The following RRM1 variants were observed in gnomAD, a reference collection of about 807,000 sequenced individuals.
RRM1 encodes the protein ribonucleotide reductase catalytic subunit M1, also known as ribonucleoside-diphosphate reductase large subunit.
A neutral mutation model predicts 101.5 loss-of-function variants in RRM1; 19 were observed. The observed-to-expected ratio is 0.19, with a 90% CI of 0.13 to 0.27. The LOEUF (loss-of-function observed/expected upper bound fraction) is 0.27. Ranked by LOEUF, RRM1 falls within the 10% of genes least tolerant of loss-of-function variation. RRM1 has a pLI of 1.00. For synonymous variants in RRM1, 298 were observed against 323.4 expected (o/e 0.92, Z 0.84); for missense variants, 500 against 962.9 (o/e 0.52, Z 6.36).
At chr11:4,105,264 T>A (rs2094556726) in intron 2 of RRM1, among the ~76,000 whole-genome samples, 1 of 152,072 alleles carries the variant, frequency 6.6e-6, no homozygotes, top group African/African-American at 2.4e-5. Flanking sequence ...TCTCATTGTG[T>A]CGCCCAGGCT....
chr11:4,133,703 C>A, intron 17 of RRM1, 45 bp downstream of exon 17: 1 of 1,078,962 alleles, frequency 9.3e-7, no homozygotes, highest in Non-Finnish European at 1.4e-6. Flanking sequence ...CTGAGTTGGA[C>A]ATTGTGGTAC....
intron 18 of RRM1, among the ~76,000 whole-genome samples, chr11:4,137,456 C>T (rs9665830): frequency 0.021 from 2,846 of 137,610 alleles, 197 homozygotes; most frequent in African/African-American, 0.078. Context: ...GCTCACACCC[C>T]CACCTCCCTC....
chr11:4,124,207 G>A (rs2094586127), intron 12 of RRM1, among the ~76,000 whole-genome samples: 1 of 152,160 alleles, frequency 6.6e-6, no homozygotes, highest in Non-Finnish European at 1.5e-5. Flanking sequence ...GCATCAAAAT[G>A]TTAAGATGAA....
chr11:4,101,133 C>G (rs906044110), intron 1 of RRM1, among the ~76,000 whole-genome samples: 1 of 151,842 alleles, frequency 6.6e-6, no homozygotes, highest in Admixed American at 6.6e-5. Context: ...TGGGGCATTG[C>G]AATTTAAAAT....
At chr11:4,127,648 C>T (rs2094592047) in intron 14 of RRM1, among the ~76,000 whole-genome samples, 1 of 152,168 alleles carries the variant, frequency 6.6e-6, no homozygotes, top group Admixed American at 6.5e-5. Context: ...TTTTGGGCTT[C>T]TGGTCTTCAG....
At chr11:4,123,129 C>A in intron 11 of RRM1, 54 bp from the exon 12 acceptor site, 1 of 1,369,812 alleles carries the variant, frequency 7.3e-7, no homozygotes, top group Non-Finnish European at 1.0e-6. Flanking sequence ...AAGTTGTCTA[C>A]AATAAAGTTT....
rs189163 is a variant in RRM1, at chr11:4,101,559, A to T, written c.20-434A>T. Reference sequence around the variant, plus strand: ...GAACTCCTGACCTCCAGTGATCCACACCCCCCCCCGCTCCCTTGGCCTCCC... The same window carrying T: ...GAACTCCTGACCTCCAGTGATCCACTCCCCCCCCCGCTCCCTTGGCCTCCC... On this transcript the variant is annotated intron_variant, in intron 1 of 18. Coordinates refer to ENST00000300738, the MANE Select transcript of RRM1 (RefSeq NM_001033.5). Among the ~76,000 whole-genome samples, 150 of 105,914 alleles carry T rather than the reference A, an allele frequency of 1.4e-3. 18 individuals are homozygous for T. Among genetic ancestry groups the T allele is most frequent in the South Asian group, 0.012 (36 of 2,940 alleles). 69.5% of individuals were successfully genotyped at this position (105,914 alleles called of 152,430 possible).
In RRM1 at chr11:4,095,162, C is replaced by A. The variant is rs546217753; in HGVS notation, c.19+131C>A. On this transcript the variant is annotated intron_variant, in intron 1 of 18. Transcript: ENST00000300738. ...TCCCGCATTTCCCGCCGCGGCCTTCCGCCCTGTCAGCCCGCTCGGCCTTCT... is the reference window on the plus strand; with the variant it reads ...TCCCGCATTTCCCGCCGCGGCCTTCAGCCCTGTCAGCCCGCTCGGCCTTCT... 9 of 1,153,482 alleles carry A rather than the reference C, an allele frequency of 7.8e-6. No individual in the cohort carries two copies. The African/African-American group carries it at 1.2e-4, about 16-fold the overall frequency. 71.5% of individuals were successfully genotyped at this position (1,153,482 alleles called of 1,614,324 possible). A position where few individuals can be genotyped will look rare whatever the true frequency, so the allele number is the denominator to read the frequency against.
chr11:4,105,844 T>C (rs2094557611), intron 2 of RRM1, among the ~76,000 whole-genome samples: 1 of 151,742 alleles, frequency 6.6e-6, no homozygotes, highest in African/African-American at 2.4e-5. Context: ...TGATTATGGG[T>C]GTGAGCCACA....
chr11:4,107,304 T>C, intron 3 of RRM1, 131 bp from the exon 4 acceptor site: 2 of 635,812 alleles, frequency 3.1e-6, no homozygotes, highest in Non-Finnish European at 5.6e-6. Flanking sequence ...TTGAGCACTT[T>C]ATATGCTAGG....
intron 1 of RRM1, among the ~76,000 whole-genome samples, chr11:4,095,903 T>C (rs984937513): frequency 6.6e-6 from 1 of 152,108 alleles, no homozygotes; most frequent in South Asian, 2.1e-4. Context: ...TATGAACAAG[T>C]TTTGAGTTGA....
At chr11:4,131,014 A>T (rs1384781232) in intron 15 of RRM1, among the ~76,000 whole-genome samples, 3 of 152,162 alleles carry the variant, frequency 2.0e-5, no homozygotes, top group Non-Finnish European at 4.4e-5. Flanking sequence ...AAAGTAGAGA[A>T]CCCAGTTGTA....
rs532142295 is a variant in RRM1, at chr11:4,106,986, C to T, written c.287-449C>T. On this transcript the variant is annotated intron_variant, in intron 3 of 18. Transcript: ENST00000300738. ...TCGGCTCACTGCAACCTCCGCCTCC[C>T]GGGTTCAAGTGATTCTCCTGCCTCA... Among the ~76,000 whole-genome samples the T allele has an allele frequency of 1.7e-4, 26 of 152,064 alleles. No individual in the cohort carries two copies. The South Asian group carries it at 2.1e-3, about 12-fold the overall frequency.
intron 14 of RRM1, among the ~76,000 whole-genome samples, chr11:4,128,615 G>A (rs140048572): frequency 0.015 from 2,314 of 152,194 alleles, 31 homozygotes; most frequent in Non-Finnish European, 0.026. Context: ...CTTTCCCACT[G>A]CCTTTATTAT....
At chr11:4,137,141 C>G (rs1436856421) in intron 18 of RRM1, 5 of 249,070 alleles carry the variant, frequency 2.0e-5, no homozygotes, top group Non-Finnish European at 3.9e-5. Flanking sequence ...TAGTACAGAA[C>G]AAAATGAAAA....
At chr11:4,107,840 G>A (rs541792182) in intron 4 of RRM1, among the ~76,000 whole-genome samples, 130 of 151,928 alleles carry the variant, frequency 8.6e-4, no homozygotes, top group African/African-American at 3.0e-3. Context: ...TATCTTGTTT[G>A]TTCTATATCA....
Position 4,094,802 on chromosome 11 carries a change from T to C in RRM1, c.-211T>C. On this transcript the variant is annotated 5_prime_UTR_variant, in exon 1 of 19. Transcript: ENST00000300738. ...CGTCATTCGAACCCCGTCGCGCCCCTTTGTGCGTCACGGGTGGCGGGCGCG... is the reference window on the plus strand; with the variant it reads ...CGTCATTCGAACCCCGTCGCGCCCCCTTGTGCGTCACGGGTGGCGGGCGCG... The C allele has an allele frequency of 1.7e-6, 1 of 603,318 alleles. No homozygotes were observed. The highest frequency in any genetic ancestry group is 3.0e-6 in the Non-Finnish European group (1 of 335,054). 37.4% of individuals were successfully genotyped at this position (603,318 alleles called of 1,614,324 possible).
chr11:4,106,070 C>T lies in RRM1; in HGVS notation c.133C>T (p.Gln45Ter). The T allele has an allele frequency of 6.2e-7, 1 of 1,612,130 alleles. No individual in the cohort carries two copies. Among genetic ancestry groups the T allele is most frequent in the Non-Finnish European group, 8.5e-7 (1 of 1,179,532 alleles). The change falls in exon 3 of 19, where the codon CAA (glutamine) becomes TAA (stop). Residue 45 changes from glutamine to a stop codon, truncating the protein, a stop_gained. Coordinates refer to ENST00000300738, the MANE Select transcript of RRM1 (RefSeq NM_001033.5). LOFTEE classifies it high-confidence loss of function. ...GGCTCAGATCACCATGAAAGTAATC[C>T]AAGGCTTGTACAGTGGGGTCACCAC... Reference protein sequence around the residue: ...DPAQITMKVIQGLYSGVTTVE... With the variant: ...DPAQITMKVI
In RRM1 at chr11:4,109,635, C is replaced by T; in HGVS notation, c.388-9C>T. ...AATTTAATTATGGGTTCTTTTTCAC[C>T]CCTATCAGCGCCTGAATTCTGCTAT... On this transcript the variant is annotated splice_polypyrimidine_tract_variant and intron_variant, in intron 4 of 18. Transcript: ENST00000300738. 6.3e-7 allele frequency: 1 copy of T among 1,595,476 alleles called. No individual in the cohort carries two copies.
Sources: gnomAD v4.1 joint callset for allele counts (sites outside exome capture counted in the v4.1 genomes callset) on GRCh38, gnomAD v4.1.1 for gene constraint, MANE v1.5 for transcripts, NCBI Gene and HGNC (gene_info 2026-07-23, HGNC 2026-07-21) for gene names.